BCAS3: variants seen among roughly 807,000 people sequenced by gnomAD.
BCAS3 encodes the protein BCAS4/BCAS3 fusion.
A neutral mutation model predicts 116.1 loss-of-function variants in BCAS3; 53 were observed. The observed-to-expected ratio is 0.46, with a 90% confidence interval of 0.37 to 0.57. The LOEUF is 0.57. Among genes scored for constraint, BCAS3 ranks in the 20% least tolerant of loss-of-function variants. The pLI, the probability that BCAS3 is intolerant of heterozygous loss-of-function variation, is 0.00. For missense variants in BCAS3, 917 were observed against 1,165.4 expected, an observed-to-expected ratio of 0.79 and a Z score of 3.10; for synonymous variants, 391 against 408.2, an observed-to-expected ratio of 0.96 and a Z score of 0.51.
At position 61,140,995 on chromosome 17, in the gene BCAS3, C is replaced by T. The variant is rs1452942275; in HGVS notation, c.2425+56431C>T. On this transcript the variant is annotated intron_variant, in intron 22 of 23. Coordinates refer to ENST00000407086, the MANE Select transcript of BCAS3 (RefSeq NM_017679.5). The surrounding 1 kb of genome is among the most constrained non-coding windows in gnomAD (Gnocchi z 4.2). ...AGTGAAATGGGGCAGGCATGAAGCC[C>T]GTGAGAGATCATTGCTACCACTTCT... Among the ~76,000 whole-genome samples, 2 of 151,928 alleles carry T rather than the reference C, an allele frequency of 1.3e-5. No individual in the cohort carries two copies. The highest frequency in any genetic ancestry group is 4.8e-5 in the African/African-American group (2 of 41,370).
intron 7 of BCAS3, among the ~76,000 whole-genome samples, chr17:60,867,351 C>G (rs2054696887): frequency 6.6e-6 from 1 of 152,024 alleles, no homozygotes; most frequent in Non-Finnish European, 1.5e-5. Context: ...AGTGATCTGC[C>G]TGTCTTGGCC....
intron 7 of BCAS3, among the ~76,000 whole-genome samples, chr17:60,824,219 C>T (rs2050191385): frequency 6.6e-6 from 1 of 152,130 alleles, no homozygotes; most frequent in Non-Finnish European, 1.5e-5. Flanking sequence ...AAATTACAGT[C>T]ACTAAGTAGG....
rs1177977925 is a variant in BCAS3, at chr17:61,365,541, C to T, written c.2426-2786C>T. 6.6e-6 allele frequency among the ~76,000 whole-genome samples: 1 copy of T among 152,162 alleles called. No individual in the cohort carries two copies. Among genetic ancestry groups the T allele is most frequent in the Non-Finnish European group, 1.5e-5 (1 of 68,036 alleles). On this transcript the variant is annotated intron_variant, in intron 22 of 23. Transcript: ENST00000407086. The surrounding 1 kb of genome is among the most constrained non-coding windows in gnomAD (Gnocchi z 4.6). Reference sequence around the variant, plus strand: ...TCGAGATGGCGTTTCACCATGTTGTCCAGGCTGGTCTCAAACTCTTGGCCT... The same window carrying T: ...TCGAGATGGCGTTTCACCATGTTGTTCAGGCTGGTCTCAAACTCTTGGCCT...
chr17:61,243,867 C>T lies in BCAS3; in HGVS notation c.2426-124460C>T, dbSNP rs1213482390. 6.6e-6 allele frequency among the ~76,000 whole-genome samples: 1 copy of T among 152,146 alleles called. No homozygotes were observed. The highest frequency in any genetic ancestry group is 1.9e-4 in the East Asian group (1 of 5,196). On this transcript the variant is annotated intron_variant, in intron 22 of 23. Coordinates refer to ENST00000407086, the MANE Select transcript of BCAS3 (RefSeq NM_017679.5). The surrounding 1 kb of genome is among the most constrained non-coding windows in gnomAD (Gnocchi z 5.6). ...CTGGTATGACCATAGGTCTCTGCAG[C>T]CTCAAACTCCTAGGCTCAAGCAGCC...
chr17:60,689,780 T>C lies in BCAS3; in HGVS notation c.214+19T>C. ...TTAAATGGTATGGTTTTAACTTTTT[T>C]TGGGACGTGTGAATTAATTGTTTGT... On this transcript the variant is annotated intron_variant, in intron 4 of 23. Coordinates refer to ENST00000407086, the MANE Select transcript of BCAS3 (RefSeq NM_017679.5). 4.6e-6 allele frequency: 7 copies of C among 1,528,080 alleles called. No individual in the cohort carries two copies. Among genetic ancestry groups the C allele is most frequent in the Non-Finnish European group, 6.3e-6 (7 of 1,104,432 alleles). 94.7% of individuals were successfully genotyped at this position (1,528,080 alleles called of 1,614,324 possible).
At position 61,134,563 on chromosome 17, in the gene BCAS3, G is replaced by A. The variant is rs1334179048; in HGVS notation, c.2425+49999G>A. Among the ~76,000 whole-genome samples the A allele has an allele frequency of 6.6e-6, 1 of 152,184 alleles. No individual in the cohort carries two copies. Among genetic ancestry groups the A allele is most frequent in the Non-Finnish European group, 1.5e-5 (1 of 68,044 alleles). ...AGATCCTTTTGGTTCTAGAATTATAGGAAAGTATTTTAAAGTCGAGAGAAC... is the reference window on the plus strand; with the variant it reads ...AGATCCTTTTGGTTCTAGAATTATAAGAAAGTATTTTAAAGTCGAGAGAAC... On this transcript the variant is annotated intron_variant, in intron 22 of 23. Transcript: ENST00000407086. This position sits in a 1 kb window ranked among gnomAD's most constrained non-coding sequence, Gnocchi z 4.6.
chr17:60,697,583 A>C (rs1186523889), intron 4 of BCAS3, among the ~76,000 whole-genome samples: 5 of 112,284 alleles, frequency 4.5e-5, no homozygotes, highest in Admixed American at 8.3e-5. Flanking sequence ...ACTCTGTCTC[A>C]AAAAAAAAAA....
intron 14 of BCAS3, among the ~76,000 whole-genome samples, chr17:60,982,433 G>C (rs948410148): frequency 2.6e-5 from 4 of 152,106 alleles, no homozygotes; most frequent in Non-Finnish European, 5.9e-5. Context: ...TTAGCCTCCT[G>C]AGTAGCTGGA....
rs942102502 is a variant in BCAS3, at chr17:60,778,171, CT to C, written c.404-29822del. Among the ~76,000 whole-genome samples, 498 of 146,612 alleles carry C rather than the reference CT, an allele frequency of 3.4e-3. 1 individual carries two copies. Among genetic ancestry groups the C allele is most frequent in the African/African-American group, 0.01 (419 of 40,280 alleles). On this transcript the variant is annotated intron_variant, in intron 6 of 23. Transcript: ENST00000407086. Reference sequence around the variant, plus strand: ...TTCAGTTTGGATGAAGTCCAATTATCTTTTTTTTTTTATTTTATCAGTTGTG... The same window carrying C: ...TTCAGTTTGGATGAAGTCCAATTATCTTTTTTTTTTATTTTATCAGTTGTG...
chr17:60,865,130 C>T (rs573434580), intron 7 of BCAS3, among the ~76,000 whole-genome samples: 7 of 151,740 alleles, frequency 4.6e-5, no homozygotes, highest in East Asian at 1.9e-4. Flanking sequence ...TAGTTGAGCA[C>T]GTAGTGTTGT....
rs929389521 is a variant in BCAS3, at chr17:61,316,947, G to A, written c.2426-51380G>A. Among the ~76,000 whole-genome samples, 1 of 152,174 alleles carries A rather than the reference G, an allele frequency of 6.6e-6. No homozygotes were observed. The highest frequency in any genetic ancestry group is 1.5e-5 in the Non-Finnish European group (1 of 68,042). ...CCATTGCCAGCCCTTCTGTAAAATGGCTACTATATGATCCAGAATTCCCTC... is the reference window on the plus strand; with the variant it reads ...CCATTGCCAGCCCTTCTGTAAAATGACTACTATATGATCCAGAATTCCCTC... On this transcript the variant is annotated intron_variant, in intron 22 of 23. Transcript: ENST00000407086. This position sits in a 1 kb window ranked among gnomAD's most constrained non-coding sequence, Gnocchi z 5.8.
chr17:60,996,926 A>G (rs549076088), intron 15 of BCAS3, among the ~76,000 whole-genome samples: 1 of 152,258 alleles, frequency 6.6e-6, no homozygotes, highest in South Asian at 2.1e-4. Context: ...GAAAAATAAG[A>G]CTATTAAAAT....
intron 13 of BCAS3, among the ~76,000 whole-genome samples, chr17:60,933,739 A>G (rs2059780563): frequency 6.6e-6 from 1 of 152,246 alleles, no homozygotes; most frequent in Admixed American, 6.5e-5. Flanking sequence ...TCACAGATCT[A>G]CAGCATAACA....
At chr17:60,769,963 C>T (rs9896811) in intron 6 of BCAS3, among the ~76,000 whole-genome samples, 2 of 151,510 alleles carry the variant, frequency 1.3e-5, no homozygotes, top group Non-Finnish European at 2.9e-5. Context: ...TTAGTAGAGA[C>T]AGGGTTTCAC....
At chr17:61,272,829 AG>A (rs1170537240) in intron 22 of BCAS3, among the ~76,000 whole-genome samples, 1 of 151,902 alleles carries the variant, frequency 6.6e-6, no homozygotes, top group African/African-American at 2.4e-5. Context: ...GCCCCAATCT[AG>A]ATGTGTTGAC....
rs909473494 is a variant in BCAS3, at chr17:60,961,897, A to C, written c.1221+14545A>C. Reference sequence around the variant, plus strand: ...TGCTTATGAACTACAAAAGGATCAAAGATCCACTTTTGTAGTTCCCACCTA... The same window carrying C: ...TGCTTATGAACTACAAAAGGATCAACGATCCACTTTTGTAGTTCCCACCTA... On this transcript the variant is annotated intron_variant, in intron 14 of 23. Transcript: ENST00000407086. The surrounding 1 kb of genome is among the most constrained non-coding windows in gnomAD (Gnocchi z 4.8). Among the ~76,000 whole-genome samples the C allele has an allele frequency of 6.6e-6, 1 of 152,166 alleles. No individual in the cohort carries two copies. The highest frequency in any genetic ancestry group is 1.5e-5 in the Non-Finnish European group (1 of 68,034).
At chr17:61,079,032 TC>T (rs2072296716) in intron 21 of BCAS3, among the ~76,000 whole-genome samples, 1 of 152,186 alleles carries the variant, frequency 6.6e-6, no homozygotes. Flanking sequence ...TTTGTAGGAA[TC>T]CTAGGACAGG....
chr17:60,970,017 C>A (rs1265081869), intron 14 of BCAS3, among the ~76,000 whole-genome samples: 1 of 152,178 alleles, frequency 6.6e-6, no homozygotes, highest in Non-Finnish European at 1.5e-5. Context: ...ATACCAGAAG[C>A]AAACTTGCAG....
intron 7 of BCAS3, among the ~76,000 whole-genome samples, chr17:60,856,486 C>T (rs1020598152): frequency 6.6e-6 from 1 of 151,954 alleles, no homozygotes; most frequent in African/African-American, 2.4e-5. Flanking sequence ...GCCAGTAGTT[C>T]GAGACTAGCC....
Sources: allele counts gnomAD v4.1 joint callset (sites outside exome capture counted in the v4.1 genomes callset), GRCh38; gene constraint gnomAD v4.1.1; non-coding constraint Gnocchi (gnomAD v3.1); transcripts MANE v1.5; gene names NCBI Gene and HGNC (gene_info 2026-07-23, HGNC 2026-07-21).